The following ANKRD17 variants were observed in gnomAD, a reference collection of about 807,000 sequenced individuals.
ANKRD17 encodes ankyrin repeat domain 17, also known as ankyrin repeat domain-containing protein 17.
In ANKRD17, 19 loss-of-function variants were observed where a neutral mutation model predicts 229.7. The ratio of observed to expected loss-of-function variants is 0.08; its 90% CI spans 0.06 to 0.12. The LOEUF (loss-of-function observed/expected upper bound fraction) is 0.12, where lower values mean the gene tolerates loss of function less well. ANKRD17 is among the 10% of genes least tolerant of loss of function. ANKRD17 has a pLI of 1.00. For synonymous variants in ANKRD17, 1,112 were observed against 1,146.1 expected, an observed-to-expected ratio of 0.97 and a Z score of 0.60; for missense variants, 2,176 against 3,176.8, an observed-to-expected ratio of 0.68 and a Z score of 7.57.
intron 22 of ANKRD17, 46 bp from the exon 23 acceptor site, chr4:73,115,962 T>TTCAGTAAA (rs772495441): frequency 1.3e-6 from 2 of 1,523,494 alleles, no homozygotes; most frequent in Non-Finnish European, 1.8e-6. Context: ...ACTCTAACAG[T>TTCAGTAAA]TCAGTAAATC....
Position 73,258,718 on chromosome 4 carries a change from C to T in ANKRD17, c.-50G>A. On this transcript the variant is annotated 5_prime_UTR_variant, in exon 1 of 34. Transcript: ENST00000358602. ...GACGGGGGAGGGGCGTGGGGCTACGCTCTACCGCGACTTCGGCCGCACTGG... is the reference window on the plus strand; with the variant it reads ...GACGGGGGAGGGGCGTGGGGCTACGTTCTACCGCGACTTCGGCCGCACTGG... 1 of 1,396,916 alleles carries T rather than the reference C, an allele frequency of 7.2e-7. No individual in the cohort carries two copies. Among genetic ancestry groups the T allele is most frequent in the Non-Finnish European group, 9.2e-7 (1 of 1,086,070 alleles). 86.5% of individuals were successfully genotyped at this position (1,396,916 alleles called of 1,614,324 possible).
chr4:73,116,419 ACACAAGTTAGTAT>A (rs1193202421), intron 22 of ANKRD17, among the ~76,000 whole-genome samples: 2 of 152,200 alleles, frequency 1.3e-5, no homozygotes, highest in East Asian at 3.8e-4. Flanking sequence ...ATTCACTGCA[ACACAAGTTAGTAT>A]CTAAGTTCAA....
In ANKRD17 at chr4:73,258,726, C is replaced by A; in HGVS notation, c.-58G>T. 4.3e-6 allele frequency: 6 copies of A among 1,384,188 alleles called. No individual in the cohort carries two copies. Among genetic ancestry groups the A allele is most frequent in the Non-Finnish European group, 4.6e-6 (5 of 1,078,798 alleles). The allele number at this position is 1,384,188 out of a possible 1,614,324, so 85.7% of individuals were successfully genotyped here. A position where few individuals can be genotyped will look rare whatever the true frequency, so the allele number is the denominator to read the frequency against. The stretch of plus-strand genomic sequence containing the variant: ...AGGGGCGTGGGGCTACGCTCTACCG[C>A]GACTTCGGCCGCACTGGGGCCGACA... On this transcript the variant is annotated 5_prime_UTR_variant, in exon 1 of 34. Transcript: ENST00000358602.
At chr4:73,144,946 A>T (rs1212067440) in intron 10 of ANKRD17, 114 bp from the exon 11 acceptor site, 4 of 618,442 alleles carry the variant, frequency 6.5e-6, no homozygotes, top group Non-Finnish European at 1.0e-5. Flanking sequence ...AAATATTTAA[A>T]TATAATGCTT....
rs1408076716 is a variant in ANKRD17 at position 73,075,962 on chromosome 4, A to T, written c.*269T>A. 6.4e-6 allele frequency: 2 copies of T among 313,542 alleles called. No individual in the cohort carries two copies. Among genetic ancestry groups the T allele is most frequent in the Non-Finnish European group, 5.9e-6 (1 of 170,830 alleles). The allele number at this position is 313,542 out of a possible 1,614,324, so 19.4% of individuals were successfully genotyped here. A position where few individuals can be genotyped will look rare whatever the true frequency, so the allele number is the denominator to read the frequency against. On this transcript the variant is annotated 3_prime_UTR_variant, in exon 34 of 34. Transcript: ENST00000358602. ...ACCAACCAGCCAAAGAACAGCTTCA[A>T]CAGAAAGTTATGTCCAAAGGGGAAG...
At chr4:73,237,660 T>C (rs1304770218) in intron 1 of ANKRD17, among the ~76,000 whole-genome samples, 1 of 152,144 alleles carries the variant, frequency 6.6e-6, no homozygotes, top group Non-Finnish European at 1.5e-5. Context: ...CCTTCATACT[T>C]TTCATTTTAT....
At chr4:73,133,094 A>G (rs968511910) in intron 16 of ANKRD17, among the ~76,000 whole-genome samples, 6 of 151,772 alleles carry the variant, frequency 4.0e-5, no homozygotes, top group Non-Finnish European at 5.9e-5. Context: ...CTAAAAATAC[A>G]AAAAAATTGG....
chr4:73,075,085 T>C lies in ANKRD17; in HGVS notation c.*1146A>G, dbSNP rs1449180410. The C allele has an allele frequency of 6.6e-6, 1 of 152,326 alleles. No homozygotes were observed. Among genetic ancestry groups the C allele is most frequent in the Non-Finnish European group, 1.5e-5 (1 of 67,934 alleles). The allele number at this position is 152,326 out of a possible 1,614,324, so 9.4% of individuals were successfully genotyped here. The stretch of plus-strand genomic sequence containing the variant: ...CAAATTAACTGTTGATCCTTTTCAC[T>C]GATAATATACAAGGGTAAAAAAGCA... On this transcript the variant is annotated 3_prime_UTR_variant, in exon 34 of 34. Coordinates refer to ENST00000358602, the MANE Select transcript of ANKRD17 (RefSeq NM_032217.5).
chr4:73,192,597 C>A (rs1277692493), intron 1 of ANKRD17, among the ~76,000 whole-genome samples: 4 of 151,784 alleles, frequency 2.6e-5, no homozygotes, highest in African/African-American at 7.3e-5. Context: ...TTTTAGCAAA[C>A]AATTAATGAG....
At chr4:73,214,234 C>A (rs558170204) in intron 1 of ANKRD17, among the ~76,000 whole-genome samples, 5 of 152,192 alleles carry the variant, frequency 3.3e-5, no homozygotes, top group Admixed American at 6.5e-5. Flanking sequence ...CAGGGTGTGT[C>A]AAAGAGACTG....
intron 19 of ANKRD17, 104 bp from the exon 20 acceptor site, chr4:73,121,198 T>C (rs1254223890): frequency 3.0e-5 from 31 of 1,032,544 alleles, no homozygotes; most frequent in Non-Finnish European, 4.1e-5. Context: ...TTTTGAAGGA[T>C]TGTTTAAAAT....
chr4:73,079,037 T>C, intron 30 of ANKRD17, 147 bp from the exon 31 acceptor site: 1 of 1,027,526 alleles, frequency 9.7e-7, no homozygotes, highest in Non-Finnish European at 1.4e-6. Flanking sequence ...TGATGCATAT[T>C]AAAATTTGGC....
At chr4:73,107,295 A>G (rs887800923) in intron 24 of ANKRD17, among the ~76,000 whole-genome samples, 3 of 152,262 alleles carry the variant, frequency 2.0e-5, no homozygotes, top group African/African-American at 7.2e-5. Context: ...TAGTAATATC[A>G]ACAGCAGAAA....
intron 1 of ANKRD17, chr4:73,223,119 G>C (rs1206178838): frequency 3.5e-5 from 50 of 1,409,588 alleles, no homozygotes; most frequent in Non-Finnish European, 4.5e-5. Context: ...ACAGGAAATG[G>C]AATGTTCTAT....
intron 1 of ANKRD17, among the ~76,000 whole-genome samples, chr4:73,243,288 A>C (rs1174452265): frequency 6.6e-6 from 1 of 152,238 alleles, no homozygotes; most frequent in Non-Finnish European, 1.5e-5. Flanking sequence ...GATTAGCCTA[A>C]TGCTACGTGA....
At chr4:73,155,551 C>A in intron 5 of ANKRD17, 80 bp downstream of exon 5, 1 of 1,535,732 alleles carries the variant, frequency 6.5e-7, no homozygotes, top group Non-Finnish European at 8.9e-7. Context: ...AAAATTAGCA[C>A]TAAACATCAC....
chr4:73,253,766 C>T (rs551750769), intron 1 of ANKRD17, among the ~76,000 whole-genome samples: 29 of 152,244 alleles, frequency 1.9e-4, no homozygotes, highest in South Asian at 1.9e-3. Context: ...TTAACTGGCT[C>T]TCCCCTTAAT....
intron 29 of ANKRD17, among the ~76,000 whole-genome samples, chr4:73,086,913 A>ATAT (rs1722198100): frequency 1.3e-4 from 4 of 30,466 alleles, no homozygotes; most frequent in South Asian, 2.8e-3. Flanking sequence ...AAAAAAAAAA[A>ATAT]AAAAAAATAT....
At chr4:73,080,267 G>C (rs1448502345) in intron 30 of ANKRD17, among the ~76,000 whole-genome samples, 1 of 152,052 alleles carries the variant, frequency 6.6e-6, no homozygotes, top group Non-Finnish European at 1.5e-5. Flanking sequence ...AGATAAAAGA[G>C]AAAGACCTAT....
Sources: allele counts gnomAD v4.1 joint callset (sites outside exome capture counted in the v4.1 genomes callset), GRCh38; gene constraint gnomAD v4.1.1; transcripts MANE v1.5; gene names NCBI Gene and HGNC (gene_info 2026-07-23, HGNC 2026-07-21).